The following CNTNAP2 variants were observed in gnomAD, a reference collection of about 807,000 sequenced individuals.
CNTNAP2 encodes the protein contactin-associated protein-like 2.
In CNTNAP2, 98 loss-of-function variants were observed where a neutral mutation model predicts 155.2. That is an observed-to-expected ratio of 0.63 (90% CI 0.54 to 0.75). CNTNAP2 has a LOEUF of 0.75. Ranked by LOEUF, CNTNAP2 falls within the 30% of genes least tolerant of loss-of-function variation. The probability of loss-of-function intolerance (pLI) is 0.00; values close to 1 mark genes in which losing one functional copy is unlikely to be tolerated. For synonymous variants in CNTNAP2, 651 were observed against 631.2 expected, an observed-to-expected ratio of 1.03 and a Z score of -0.47; for missense variants, 1,727 against 1,688.1, an observed-to-expected ratio of 1.02 and a Z score of -0.40.
At chr7:148,079,262 G>A (rs150675409) in intron 15 of CNTNAP2, among the ~76,000 whole-genome samples, 3 of 152,346 alleles carry the variant, frequency 2.0e-5, no homozygotes, top group Non-Finnish European at 4.4e-5. Context: ...ATACATGTAA[G>A]ATATACTTTG....
Position 147,209,988 on chromosome 7 carries a change from T to G in CNTNAP2, c.1348+77479T>G, listed in dbSNP as rs144394032. Among the ~76,000 whole-genome samples, 372 of 151,956 alleles carry G rather than the reference T, an allele frequency of 2.4e-3. 2 individuals are homozygous for G. The highest frequency in any genetic ancestry group is 8.4e-3 in the African/African-American group (350 of 41,542). On this transcript the variant is annotated intron_variant, in intron 8 of 23. Coordinates refer to ENST00000361727, the MANE Select transcript of CNTNAP2 (RefSeq NM_014141.6). Reference sequence around the variant, plus strand: ...ATGTGCTGCTGGAGTCACAAAATACTAATTTGCTAGTATTTTCTTAAGGAT... The same window carrying G: ...ATGTGCTGCTGGAGTCACAAAATACGAATTTGCTAGTATTTTCTTAAGGAT...
intron 10 of CNTNAP2, among the ~76,000 whole-genome samples, chr7:147,480,142 G>A (rs1798396461): frequency 6.6e-6 from 1 of 151,966 alleles, no homozygotes; most frequent in Non-Finnish European, 1.5e-5. Flanking sequence ...CAGTATTCAA[G>A]GAAGCAAGAA....
At chr7:146,728,113 G>A (rs149663429) in intron 1 of CNTNAP2, among the ~76,000 whole-genome samples, 57 of 152,236 alleles carry the variant, frequency 3.7e-4, no homozygotes, top group Non-Finnish European at 5.7e-4. Context: ...CTGCAGAGAC[G>A]GAGGACATCT....
intron 19 of CNTNAP2, among the ~76,000 whole-genome samples, chr7:148,218,797 T>G (rs1234489798): frequency 1.3e-5 from 2 of 152,070 alleles, no homozygotes; most frequent in Admixed American, 6.6e-5. Context: ...GAGGAGAATA[T>G]GCAAATGGGC....
At chr7:146,528,899 G>T (rs1797728864) in intron 1 of CNTNAP2, among the ~76,000 whole-genome samples, 1 of 151,966 alleles carries the variant, frequency 6.6e-6, no homozygotes, top group Admixed American at 6.6e-5. Context: ...AGGAAGAAAA[G>T]GCCTTAGTTA....
chr7:148,365,222 A>G (rs1047935686), intron 21 of CNTNAP2, among the ~76,000 whole-genome samples: 1 of 152,022 alleles, frequency 6.6e-6, no homozygotes, highest in Non-Finnish European at 1.5e-5. Context: ...CTCCTGCTTT[A>G]TTTTCTTGGT....
At chr7:147,311,964 T>C (rs994763876) in intron 9 of CNTNAP2, among the ~76,000 whole-genome samples, 3 of 152,102 alleles carry the variant, frequency 2.0e-5, no homozygotes, top group Non-Finnish European at 4.4e-5. Flanking sequence ...TAAATTTAAT[T>C]ATTAAATTTA....
chr7:148,118,080 G>A, intron 15 of CNTNAP2, 38 bp from the exon 16 acceptor site: 1 of 1,607,282 alleles, frequency 6.2e-7, no homozygotes, highest in Non-Finnish European at 8.5e-7. Context: ...GCTGATCAGG[G>A]TGTGAGTTAA....
Position 147,746,950 on chromosome 7 carries a change from A to C in CNTNAP2, c.2098+107644A>C, listed in dbSNP as rs114434322. 2.6e-4 allele frequency among the ~76,000 whole-genome samples: 40 copies of C among 152,262 alleles called. 1 individual carries two copies. Among genetic ancestry groups the C allele is most frequent in the African/African-American group, 9.6e-4 (40 of 41,574 alleles). ...CTCTTTTATTTTGCTAGTTCAGTTTAGTTTCCACCTCAGGCCCTAGCTGAG... is the reference window on the plus strand; with the variant it reads ...CTCTTTTATTTTGCTAGTTCAGTTTCGTTTCCACCTCAGGCCCTAGCTGAG... On this transcript the variant is annotated intron_variant, in intron 13 of 23. Transcript: ENST00000361727.
intron 1 of CNTNAP2, among the ~76,000 whole-genome samples, chr7:146,404,687 C>G (rs1314596962): frequency 1.3e-5 from 2 of 152,278 alleles, no homozygotes; most frequent in East Asian, 1.9e-4. Context: ...CTCATCTTTA[C>G]TGCTCAGCCA....
At chr7:147,269,202 G>C (rs1488333079) in intron 8 of CNTNAP2, among the ~76,000 whole-genome samples, 2 of 152,110 alleles carry the variant, frequency 1.3e-5, no homozygotes, top group African/African-American at 2.4e-5. Context: ...TATTTTGTGT[G>C]TGTATATGAC....
chr7:147,802,570 TGGAG>T (rs1798019701), intron 13 of CNTNAP2, among the ~76,000 whole-genome samples: 1 of 152,156 alleles, frequency 6.6e-6, no homozygotes, highest in Non-Finnish European at 1.5e-5. Context: ...GGTTACGAGC[TGGAG>T]ACCAGCCCGG....
chr7:147,759,854 T>C (rs851654), intron 13 of CNTNAP2, among the ~76,000 whole-genome samples: 47,411 of 152,040 alleles, frequency 0.31, 8,493 homozygotes, highest in African/African-American at 0.5. Flanking sequence ...CCAGGAGTTC[T>C]TCATTCATTT....
intron 4 of CNTNAP2, among the ~76,000 whole-genome samples, chr7:147,072,592 G>A (rs1000651731): frequency 1.3e-5 from 2 of 152,112 alleles, no homozygotes; most frequent in Admixed American, 6.5e-5. Flanking sequence ...AAATATCTGG[G>A]AGGATTGAAG....
At chr7:147,137,166 G>A (rs565507395) in intron 8 of CNTNAP2, among the ~76,000 whole-genome samples, 1 of 151,256 alleles carries the variant, frequency 6.6e-6, no homozygotes, top group East Asian at 2.0e-4. Flanking sequence ...TACTGAAAAT[G>A]GACATGTGAT....
At chr7:148,069,553 G>T (rs1224766614) in intron 15 of CNTNAP2, among the ~76,000 whole-genome samples, 1 of 152,086 alleles carries the variant, frequency 6.6e-6, no homozygotes, top group East Asian at 1.9e-4. Context: ...ACGAGGTCAG[G>T]AGATTGAGAC....
rs377106469 is a variant in CNTNAP2 at position 147,721,189 on chromosome 7, A to ATGT, written c.2098+81900_2098+81902dup. On this transcript the variant is annotated intron_variant, in intron 13 of 23. Transcript: ENST00000361727. ...GGTACTAAAATCAGTGCTGGTTTCTATGTTGTTGTTGTTGTTGTTATTGTT... is the reference window on the plus strand; with the variant it reads ...GGTACTAAAATCAGTGCTGGTTTCTATGTTGTTGTTGTTGTTGTTGTTATTGTT... Among the ~76,000 whole-genome samples, 236 of 151,830 alleles carry ATGT rather than the reference A, an allele frequency of 1.6e-3. 2 individuals are homozygous for ATGT. The East Asian group carries it at 0.025, about 16-fold the overall frequency.
At chr7:147,256,723 A>G (rs1804336444) in intron 8 of CNTNAP2, among the ~76,000 whole-genome samples, 1 of 152,140 alleles carries the variant, frequency 6.6e-6, no homozygotes, top group African/African-American at 2.4e-5. Flanking sequence ...AAGAGATGGT[A>G]AGGGAACCTG....
chr7:148,331,717 G>GGATGGAGTGGATGGATGGAATGGACA (rs1798022525), intron 21 of CNTNAP2, among the ~76,000 whole-genome samples: 1 of 60,318 alleles, frequency 1.7e-5, no homozygotes, highest in Non-Finnish European at 4.3e-5. Flanking sequence ...TGGAGTGGAC[G>GGATGGAGTGGATGGATGGAATGGACA]GATGGATTGG....
Sources: allele counts gnomAD v4.1 joint callset (sites outside exome capture counted in the v4.1 genomes callset), GRCh38; gene constraint gnomAD v4.1.1; transcripts MANE v1.5; gene names NCBI Gene and HGNC (gene_info 2026-07-23, HGNC 2026-07-21).